ARMC3: variants seen among roughly 807,000 people sequenced by gnomAD.
ARMC3 encodes the protein armadillo repeat containing 3, also known as armadillo repeat-containing protein 3.
A neutral mutation model predicts 90.3 loss-of-function variants in ARMC3; 74 were observed. The observed-to-expected ratio is 0.82, with a 90% CI of 0.68 to 0.99. The LOEUF is 0.99. Among genes scored for constraint, ARMC3 ranks in the 50% least tolerant of loss-of-function variants. The pLI, the probability that ARMC3 is intolerant of heterozygous loss-of-function variation, is 0.00. For synonymous variants in ARMC3, 334 were observed against 361.8 expected (o/e 0.92, Z 0.87); for missense variants, 958 against 1,042.8 (o/e 0.92, Z 1.12).
At chr10:22,937,709 C>T (rs78293740) in intron 2 of ARMC3, among the ~76,000 whole-genome samples, 1 of 152,204 alleles carries the variant, frequency 6.6e-6, no homozygotes, top group East Asian at 1.9e-4. Flanking sequence ...ATTTAGAGCC[C>T]TCTCTCCTGA....
rs1441831535 is a variant in ARMC3, at chr10:23,015,047, G to A, written c.2045+6116G>A. 2.6e-5 allele frequency among the ~76,000 whole-genome samples: 4 copies of A among 151,998 alleles called. No homozygotes were observed. The East Asian group carries it at 7.7e-4, about 29-fold the overall frequency. On this transcript the variant is annotated intron_variant, in intron 16 of 18. Transcript: ENST00000298032. ...AAGTGAGAGATACTGACAGAATAAT[G>A]AGACATCGAGAACCATGGAGTGCTA...
At chr10:23,003,698 A>G (rs1837434496) in intron 13 of ARMC3, among the ~76,000 whole-genome samples, 1 of 152,194 alleles carries the variant, frequency 6.6e-6, no homozygotes, top group African/African-American at 2.4e-5. Context: ...GGTGATGCAT[A>G]TCTGTAGTCC....
At chr10:22,933,472 T>C (rs1185466234) in intron 2 of ARMC3, among the ~76,000 whole-genome samples, 1 of 152,184 alleles carries the variant, frequency 6.6e-6, no homozygotes, top group African/African-American at 2.4e-5. Flanking sequence ...GGGGACACAA[T>C]GGAGAACTTG....
intron 16 of ARMC3, among the ~76,000 whole-genome samples, chr10:23,025,114 T>G (rs1838665791): frequency 6.6e-6 from 1 of 152,016 alleles, no homozygotes; most frequent in African/African-American, 2.4e-5. Flanking sequence ...AAAAACCTGA[T>G]AGCACTGAAA....
intron 10 of ARMC3, among the ~76,000 whole-genome samples, chr10:22,994,115 C>T (rs1184724012): frequency 6.6e-6 from 1 of 152,164 alleles, no homozygotes; most frequent in South Asian, 2.1e-4. Context: ...ATGCTCTGAG[C>T]TCATGTTAAA....
chr10:23,016,976 G>A (rs1838302563), intron 16 of ARMC3, among the ~76,000 whole-genome samples: 1 of 152,164 alleles, frequency 6.6e-6, no homozygotes, highest in Non-Finnish European at 1.5e-5. Context: ...TAGAAAACAG[G>A]TGAACCTATC....
At chr10:23,005,211 CAAAAAAAA>C (rs35706584) in intron 13 of ARMC3, among the ~76,000 whole-genome samples, 1 of 60,966 alleles carries the variant, frequency 1.6e-5, no homozygotes, top group African/African-American at 5.2e-5. Context: ...AGACTCGTCT[CAAAAAAAA>C]AAAAAAAAAA....
At chr10:23,015,790 A>G (rs970025178) in intron 16 of ARMC3, among the ~76,000 whole-genome samples, 2 of 152,208 alleles carry the variant, frequency 1.3e-5, no homozygotes, top group Non-Finnish European at 1.5e-5. Flanking sequence ...CTTGACTACT[A>G]AAGTCTTTCA....
At chr10:22,944,716 A>C (rs921884958) in intron 2 of ARMC3, among the ~76,000 whole-genome samples, 4 of 152,166 alleles carry the variant, frequency 2.6e-5, no homozygotes, top group African/African-American at 9.7e-5. Context: ...GATGGTTCTC[A>C]AGCCCCAAAC....
chr10:22,944,950 T>C (rs181125552), intron 2 of ARMC3, among the ~76,000 whole-genome samples: 34 of 152,348 alleles, frequency 2.2e-4, no homozygotes, highest in Non-Finnish European at 4.3e-4. Context: ...CTACGAGCTT[T>C]AAGAACAAAC....
rs376360668 is a variant in ARMC3, at chr10:23,011,056, A to G, written c.2045+2125A>G. 1.4e-3 allele frequency among the ~76,000 whole-genome samples: 173 copies of G among 119,556 alleles called. 1 individual carries two copies. The highest frequency in any genetic ancestry group is 5.5e-3 in the African/African-American group (168 of 30,746). The allele number at this position is 119,556 out of a possible 152,430, so 78.4% of individuals were successfully genotyped here. ...TCCTCTCTCCTTCCCTTTCCTTTCC[A>G]TTCCTTGTCCTTTTCTTTGTTTTGC... On this transcript the variant is annotated intron_variant, in intron 16 of 18. Coordinates refer to ENST00000298032, the MANE Select transcript of ARMC3 (RefSeq NM_173081.5).
chr10:23,012,870 C>T (rs1838082810), intron 16 of ARMC3, among the ~76,000 whole-genome samples: 2 of 151,406 alleles, frequency 1.3e-5, no homozygotes, highest in South Asian at 4.2e-4. Context: ...CATGTGCCCC[C>T]AGAGGTGCTA....
intron 16 of ARMC3, among the ~76,000 whole-genome samples, chr10:23,022,705 C>T (rs913931530): frequency 1.3e-5 from 2 of 152,168 alleles, no homozygotes; most frequent in African/African-American, 4.8e-5. Flanking sequence ...CCCTTTTCCC[C>T]CTTCTACCCC....
chr10:23,035,178 A>G (rs78805129), intron 18 of ARMC3, among the ~76,000 whole-genome samples: 4 of 152,150 alleles, frequency 2.6e-5, no homozygotes, highest in African/African-American at 9.7e-5. Flanking sequence ...AAAGGCTCCA[A>G]TTGTATCCTC....
intron 18 of ARMC3, among the ~76,000 whole-genome samples, chr10:23,035,420 C>T (rs936627258): frequency 2.6e-5 from 4 of 152,140 alleles, no homozygotes; most frequent in African/African-American, 7.2e-5. Flanking sequence ...ATTACCCTCA[C>T]ATCTCAACTG....
intron 17 of ARMC3, among the ~76,000 whole-genome samples, chr10:23,031,478 A>G (rs1389960477): frequency 6.6e-6 from 1 of 152,188 alleles, no homozygotes; most frequent in African/African-American, 2.4e-5. Flanking sequence ...TGCAGCCTCC[A>G]TGGGAGCTTG....
chr10:23,010,613 C>T lies in ARMC3; in HGVS notation c.2045+1682C>T, dbSNP rs539809732. Among the ~76,000 whole-genome samples the T allele has an allele frequency of 8.5e-5, 12 of 140,548 alleles. No homozygotes were observed. In the South Asian group the frequency reaches 3.0e-3, roughly 36 times the overall value. The allele number at this position is 140,548 out of a possible 152,430, so 92.2% of individuals were successfully genotyped here. The stretch of plus-strand genomic sequence containing the variant: ...CCTTCCCTTCTCTCTCCCTTCCTTC[C>T]CATTCCCTGACCTACCATCTTCTCT... On this transcript the variant is annotated intron_variant, in intron 16 of 18. Coordinates refer to ENST00000298032, the MANE Select transcript of ARMC3 (RefSeq NM_173081.5).
chr10:22,951,265 T>G (rs960084117), intron 3 of ARMC3, among the ~76,000 whole-genome samples: 11 of 152,256 alleles, frequency 7.2e-5, no homozygotes, highest in Non-Finnish European at 1.3e-4. Flanking sequence ...ATGTACCAAA[T>G]ATGAGATCTT....
intron 16 of ARMC3, among the ~76,000 whole-genome samples, chr10:23,023,202 C>T (rs527692173): frequency 2.0e-5 from 3 of 152,248 alleles, no homozygotes; most frequent in South Asian, 4.1e-4. Context: ...GGAAACCCCT[C>T]GTATTCCTTC....
Sources: allele counts gnomAD v4.1 joint callset (sites outside exome capture counted in the v4.1 genomes callset), GRCh38; gene constraint gnomAD v4.1.1; transcripts MANE v1.5; gene names NCBI Gene and HGNC (gene_info 2026-07-23, HGNC 2026-07-21).